Variants in REXO5 observed in about 807,000 individuals in gnomAD.
REXO5 encodes RNA exonuclease 5, also known as exonuclease NEF-sp.
Under a neutral mutation model 88.5 loss-of-function variants are expected in REXO5, and 48 were observed. That is an observed-to-expected ratio of 0.54 (90% confidence interval 0.43 to 0.69). REXO5 has a LOEUF of 0.69. REXO5 is among the 30% of genes least tolerant of loss of function. The probability of loss-of-function intolerance (pLI) is 0.00; values close to 1 mark genes in which losing one functional copy is unlikely to be tolerated. For missense variants in REXO5, 749 were observed against 912.2 expected, an observed-to-expected ratio of 0.82 and a Z score of 2.30; for synonymous variants, 311 against 336.5, an observed-to-expected ratio of 0.92 and a Z score of 0.83.
chr16:20,831,522 A>T (rs1034108152), intron 11 of REXO5, among the ~76,000 whole-genome samples: 3 of 152,188 alleles, frequency 2.0e-5, no homozygotes, highest in African/African-American at 7.2e-5. Flanking sequence ...AATAGGTAAA[A>T]ATGGAGGTAT....
At position 20,844,907 on chromosome 16, in the gene REXO5, G is replaced by A. The variant is rs2081583847; in HGVS notation, c.1936+62G>A. 3.2e-6 allele frequency: 5 copies of A among 1,556,916 alleles called. No homozygotes were observed. In the South Asian group the frequency reaches 4.5e-5, roughly 14 times the overall value. On this transcript the variant is annotated intron_variant, in intron 17 of 19. Coordinates refer to ENST00000261377, the MANE Select transcript of REXO5 (RefSeq NM_030941.3). ...AAACTGGGGATGGTGATAACATGAG[G>A]TCAGAGAAAGGAAGATTCACCTCCT...
chr16:20,846,338 A>C lies in REXO5; in HGVS notation c.2242A>C (p.Ser748Arg). Residue 748 changes from serine (S) to arginine (R), a missense_variant and splice_region_variant, in exon 19 of 20, where the codon AGC becomes CGC. Ser to Arg is a moderately radical substitution (Grantham distance 110). Coordinates refer to ENST00000261377, the MANE Select transcript of REXO5 (RefSeq NM_030941.3). ...CCTCATCCTGCTGCCAGGAACCAAG[A>C]GGTAAGGACTAGAAAGGGTATCCCT... ...LCLILLPGTK[S>R]THGSLSGLGL... 1 of 1,610,194 alleles carries C rather than the reference A, an allele frequency of 6.2e-7. No homozygotes were observed. Among genetic ancestry groups the C allele is most frequent in the African/African-American group, 1.3e-5 (1 of 74,904 alleles).
chr16:20,818,712 C>T (rs999909620), intron 5 of REXO5, among the ~76,000 whole-genome samples: 2 of 152,224 alleles, frequency 1.3e-5, no homozygotes, highest in African/African-American at 4.8e-5. Context: ...CTCAAGTGAT[C>T]CACCTGCCTC....
At chr16:20,813,962 A>G (rs2081042730) in intron 3 of REXO5, among the ~76,000 whole-genome samples, 1 of 152,082 alleles carries the variant, frequency 6.6e-6, no homozygotes. Flanking sequence ...TATGAAAAAT[A>G]TTTTGTATGT....
chr16:20,821,266 G>A (rs1416510886), intron 5 of REXO5, among the ~76,000 whole-genome samples: 4 of 150,274 alleles, frequency 2.7e-5, no homozygotes, highest in Admixed American at 2.0e-4. Context: ...GCTCATTTGG[G>A]ACTTCATTTT....
rs1371444001 is a variant in REXO5, at chr16:20,840,399, G to T, written c.1557G>T (p.Arg519Ser). 6.3e-7 allele frequency: 1 copy of T among 1,585,052 alleles called. No homozygotes were observed. ...AGPFSKNCNL[R>S]ALKRLFKSFG... is the part of the protein sequence containing the mutation. ...CATTTAGCAAAAATTGCAATCTCAG[G>T]GCTCTGAAGAGGCTGTTTAAAAGCT... Residue 519 changes from arginine (R) to serine (S), a missense_variant, in exon 15 of 20, where the codon AGG (arginine) becomes AGT (serine). Physicochemically the swap from Arg to Ser is moderately radical, Grantham distance 110. Coordinates refer to ENST00000261377, the MANE Select transcript of REXO5 (RefSeq NM_030941.3).
chr16:20,814,541 G>C (rs2009985), intron 3 of REXO5, among the ~76,000 whole-genome samples: 104,037 of 151,972 alleles, frequency 0.68, 36,078 homozygotes, highest in Non-Finnish European at 0.73. Flanking sequence ...CGTGCCCAGC[G>C]AAAACTGAAT....
At chr16:20,818,393 C>T (rs867219138) in intron 5 of REXO5, among the ~76,000 whole-genome samples, 1 of 152,080 alleles carries the variant, frequency 6.6e-6, no homozygotes, top group African/African-American at 2.4e-5. Flanking sequence ...AATTTTTTCA[C>T]CATGTTCTAC....
intron 12 of REXO5, 110 bp from the exon 13 acceptor site, chr16:20,832,893 T>C: frequency 1.1e-6 from 1 of 917,534 alleles, no homozygotes; most frequent in Non-Finnish European, 1.6e-6. Context: ...TTAATTTTAA[T>C]AGCTATATAT....
In REXO5 at chr16:20,828,425, G is replaced by A; in HGVS notation, c.1056-10G>A. The A allele has an allele frequency of 6.3e-7, 1 of 1,580,498 alleles. No individual in the cohort carries two copies. Among genetic ancestry groups the A allele is most frequent in the Middle Eastern group, 1.7e-4 (1 of 6,006 alleles). ...GCTTCCAGTATGTCAATTTTATATTGACTTTCCAGGAAGGATATACAGTGT... is the reference window on the plus strand; with the variant it reads ...GCTTCCAGTATGTCAATTTTATATTAACTTTCCAGGAAGGATATACAGTGT... On this transcript the variant is annotated splice_polypyrimidine_tract_variant and intron_variant, in intron 10 of 19. Coordinates refer to ENST00000261377, the MANE Select transcript of REXO5 (RefSeq NM_030941.3).
chr16:20,826,827 A>G (rs933165307), intron 8 of REXO5, among the ~76,000 whole-genome samples: 3 of 152,202 alleles, frequency 2.0e-5, no homozygotes, highest in Non-Finnish European at 4.4e-5. Context: ...AAAATTAAAT[A>G]TATACCTGAA....
intron 8 of REXO5, 79 bp downstream of exon 8, chr16:20,826,027 T>TGGCTCACGCCTGTAATCC: frequency 1.1e-6 from 1 of 881,080 alleles, no homozygotes. Context: ...GCCCACAGCT[T>TGGCTCACGCCTGTAATCC]CAGTTTAGTT....
intron 18 of REXO5, among the ~76,000 whole-genome samples, 180 bp from the exon 19 acceptor site, chr16:20,846,041 G>A (rs2081601426): frequency 6.6e-6 from 1 of 152,236 alleles, no homozygotes; most frequent in Non-Finnish European, 1.5e-5. Flanking sequence ...CAACTTGGAG[G>A]CCTGGGGATG....
intron 14 of REXO5, 71 bp from the exon 15 acceptor site, chr16:20,840,260 T>C: frequency 1.5e-6 from 2 of 1,308,478 alleles, no homozygotes; most frequent in Non-Finnish European, 2.1e-6. Flanking sequence ...AATAATCCCA[T>C]GCATTGACTC....
At chr16:20,819,017 A>T (rs1415067690) in intron 5 of REXO5, among the ~76,000 whole-genome samples, 2 of 152,158 alleles carry the variant, frequency 1.3e-5, no homozygotes, top group Non-Finnish European at 2.9e-5. Context: ...AAGTGAGAAC[A>T]TGGTGTTGTT....
intron 18 of REXO5, 83 bp from the exon 19 acceptor site, chr16:20,846,138 A>G: frequency 9.5e-7 from 1 of 1,057,532 alleles, no homozygotes; most frequent in Non-Finnish European, 1.5e-6. Flanking sequence ...ATAGCCTTAG[A>G]GGCAGAGGAA....
At chr16:20,813,152 C>T in intron 2 of REXO5, 38 bp from the exon 3 acceptor site, 2 of 1,338,856 alleles carry the variant, frequency 1.5e-6, no homozygotes, top group Non-Finnish European at 2.2e-6. Context: ...TTCTTGATAA[C>T]CAATAATGGC....
chr16:20,839,186 C>T (rs547890918), intron 13 of REXO5, among the ~76,000 whole-genome samples: 1 of 152,222 alleles, frequency 6.6e-6, no homozygotes, highest in African/African-American at 2.4e-5. Flanking sequence ...CAAGGAGTAC[C>T]ACCTTTTCTC....
chr16:20,832,188 T>C lies in REXO5; in HGVS notation c.1191T>C (p.Asn397=), dbSNP rs182884311. 61 of 1,610,950 alleles carry C rather than the reference T, an allele frequency of 3.8e-5. No homozygotes were observed. In the East Asian group the frequency reaches 1.3e-3, roughly 34 times the overall value. ...AACTAAATCTAGAAGCACTAGCTAATCACCAAGAAATACAAGCAGCAGGCC... is the reference window on the plus strand; with the variant it reads ...AACTAAATCTAGAAGCACTAGCTAACCACCAAGAAATACAAGCAGCAGGCC... ...IAELNLEALA[N]HQEIQAAGQE... Residue 397 remains asparagine, a synonymous_variant, in exon 12 of 20, where the codon AAT becomes AAC. Transcript: ENST00000261377.
Sources: allele counts gnomAD v4.1 joint callset (sites outside exome capture counted in the v4.1 genomes callset), GRCh38; gene constraint gnomAD v4.1.1; transcripts MANE v1.5; gene names NCBI Gene and HGNC (gene_info 2026-07-23, HGNC 2026-07-21).